The following ATP6V1C2 variants were observed in gnomAD, a reference collection of about 807,000 sequenced individuals.
ATP6V1C2 encodes V-type proton ATPase subunit C 2.
In ATP6V1C2, 45 loss-of-function variants were observed where a neutral mutation model predicts 56.8. That is an observed-to-expected ratio of 0.79 (90% CI 0.62 to 1.02). ATP6V1C2 has a LOEUF of 1.02. Ranked by LOEUF, ATP6V1C2 falls within the 50% of genes least tolerant of loss-of-function variation. ATP6V1C2 has a pLI of 0.00. For synonymous variants in ATP6V1C2, 220 were observed against 201.3 expected (o/e 1.09, Z -0.79); for missense variants, 463 against 519.7 (o/e 0.89, Z 1.06).
intron 8 of ATP6V1C2, among the ~76,000 whole-genome samples, chr2:10,774,123 C>T (rs1013300699): frequency 2.0e-5 from 3 of 152,370 alleles, no homozygotes; most frequent in African/African-American, 7.2e-5. Context: ...AAAGCCTGCA[C>T]AGATGACTCT....
At chr2:10,732,479 C>T (rs1179746374) in intron 3 of ATP6V1C2, among the ~76,000 whole-genome samples, 6 of 151,798 alleles carry the variant, frequency 4.0e-5, no homozygotes, top group Non-Finnish European at 2.9e-5. Flanking sequence ...AGGCTGGTCT[C>T]GAACTCCTGA....
At chr2:10,776,769 C>T (rs1157414681) in intron 10 of ATP6V1C2, among the ~76,000 whole-genome samples, 10 of 152,198 alleles carry the variant, frequency 6.6e-5, no homozygotes, top group African/African-American at 2.2e-4. Context: ...GCCAGACCCC[C>T]GGGGAACAGG....
intron 1 of ATP6V1C2, among the ~76,000 whole-genome samples, chr2:10,722,028 C>T (rs1006171851): frequency 6.6e-6 from 1 of 152,210 alleles, no homozygotes; most frequent in African/African-American, 2.4e-5. Context: ...GAAGAGGTTC[C>T]ACCAGGGGTC....
chr2:10,725,277 G>A (rs1363744667), intron 2 of ATP6V1C2, among the ~76,000 whole-genome samples: 3 of 151,580 alleles, frequency 2.0e-5, no homozygotes, highest in Non-Finnish European at 2.9e-5. Flanking sequence ...TAAGCCAGGC[G>A]TGGGGCACAT....
Position 10,783,158 on chromosome 2 carries a change from A to G in ATP6V1C2, c.1195-16A>G, listed in dbSNP as rs7574716. 0.015 allele frequency: 23,997 copies of G among 1,597,920 alleles called. 3,164 individuals carry two copies. In the African/African-American group the frequency reaches 0.28, roughly 19 times the overall value. ...TAGTTTATGCACTTAGAGCATTACC[A>G]TGTCTTCTTTTGTAGGCATCTGTGG... On this transcript the variant is annotated splice_polypyrimidine_tract_variant and intron_variant, in intron 13 of 13. Coordinates refer to ENST00000272238, the MANE Select transcript of ATP6V1C2 (RefSeq NM_001039362.2).
In ATP6V1C2 at chr2:10,783,317, C is replaced by T. The variant is rs1247085675; in HGVS notation, c.*54C>T. 3 of 1,224,818 alleles carry T rather than the reference C, an allele frequency of 2.4e-6. No homozygotes were observed. The highest frequency in any genetic ancestry group is 1.5e-5 in the African/African-American group (1 of 66,982). 75.9% of individuals were successfully genotyped at this position (1,224,818 alleles called of 1,614,324 possible). A position where few individuals can be genotyped will look rare whatever the true frequency, so the allele number is the denominator to read the frequency against. ...TTCGTGCAGATTATTACAGACACCT[C>T]TTTCCTTTAGCCAGAGAATGGTTCA... is the stretch of plus-strand genomic sequence containing the variant. On this transcript the variant is annotated 3_prime_UTR_variant, in exon 14 of 14. Transcript: ENST00000272238.
At chr2:10,753,691 T>C (rs1572553894) in intron 3 of ATP6V1C2, among the ~76,000 whole-genome samples, 1 of 152,044 alleles carries the variant, frequency 6.6e-6, no homozygotes, top group East Asian at 1.9e-4. Flanking sequence ...CCACCATGCC[T>C]GGCTAATTTT....
intron 3 of ATP6V1C2, among the ~76,000 whole-genome samples, chr2:10,733,509 A>G (rs1209699388): frequency 6.6e-6 from 1 of 152,114 alleles, no homozygotes; most frequent in Non-Finnish European, 1.5e-5. Flanking sequence ...TGTAGTTGGA[A>G]GGCAGCTTTT....
chr2:10,728,050 A>G (rs1661745482), intron 3 of ATP6V1C2, among the ~76,000 whole-genome samples: 1 of 152,168 alleles, frequency 6.6e-6, no homozygotes, highest in Non-Finnish European at 1.5e-5. Context: ...AATATGTCTT[A>G]AAATTAATAT....
intron 3 of ATP6V1C2, among the ~76,000 whole-genome samples, chr2:10,747,550 ACCGCTTGT>A (rs1662988905): frequency 2.6e-5 from 4 of 152,304 alleles, no homozygotes; most frequent in African/African-American, 9.6e-5. Flanking sequence ...CTTGGATATC[ACCGCTTGT>A]CTCAATAGTG....
rs377194432 is a variant in ATP6V1C2, at chr2:10,785,013, C to A, written c.*1750C>A. 6.3e-7 allele frequency: 1 copy of A among 1,580,858 alleles called. No homozygotes were observed. Among genetic ancestry groups the A allele is most frequent in the Non-Finnish European group, 8.6e-7 (1 of 1,161,672 alleles). On this transcript the variant is annotated 3_prime_UTR_variant, in exon 14 of 14. Coordinates refer to ENST00000272238, the MANE Select transcript of ATP6V1C2 (RefSeq NM_001039362.2). ...GCCTCCTACAGGTGCCGTGGAGCCA[C>A]GCCCAAAAGAGAGCTCCCTTAGGGA... is the stretch of plus-strand genomic sequence containing the variant.
intron 3 of ATP6V1C2, among the ~76,000 whole-genome samples, chr2:10,747,892 G>A (rs745584189): frequency 2.0e-5 from 3 of 149,954 alleles, no homozygotes; most frequent in Admixed American, 1.3e-4. Flanking sequence ...ATGGTGTCTC[G>A]CTTTGTTACC....
At chr2:10,742,977 A>G (rs1377340263) in intron 3 of ATP6V1C2, among the ~76,000 whole-genome samples, 1 of 150,434 alleles carries the variant, frequency 6.6e-6, no homozygotes, top group Non-Finnish European at 1.5e-5. Context: ...AATGCCCCCC[A>G]CTCCTCCCAC....
chr2:10,777,448 C>A, intron 10 of ATP6V1C2, 137 bp from the exon 11 acceptor site: 1 of 1,121,068 alleles, frequency 8.9e-7, no homozygotes. Flanking sequence ...CATCTCTAGT[C>A]TAGCCAGCAC....
At chr2:10,760,835 T>C (rs1022818457) in intron 4 of ATP6V1C2, among the ~76,000 whole-genome samples, 1 of 152,178 alleles carries the variant, frequency 6.6e-6, no homozygotes, top group Non-Finnish European at 1.5e-5. Flanking sequence ...ATGAAGACCT[T>C]GGACTTGGTG....
At chr2:10,778,761 C>A in intron 12 of ATP6V1C2, 92 bp downstream of exon 12, 2 of 1,186,092 alleles carry the variant, frequency 1.7e-6, no homozygotes, top group Non-Finnish European at 2.5e-6. Flanking sequence ...GCCTTCTCTC[C>A]ATCCTCCACC....
chr2:10,774,550 C>T (rs1341515141), intron 8 of ATP6V1C2, among the ~76,000 whole-genome samples: 3 of 152,214 alleles, frequency 2.0e-5, no homozygotes, highest in Non-Finnish European at 4.4e-5. Context: ...AAGCCCAGGC[C>T]CCTACACTCC....
intron 2 of ATP6V1C2, 134 bp downstream of exon 2, chr2:10,723,112 T>G: frequency 1.8e-6 from 2 of 1,114,588 alleles, no homozygotes; most frequent in Non-Finnish European, 2.5e-6. Flanking sequence ...CAAGCTGAGG[T>G]TTGAGGATGG....
rs181778954 is a variant in ATP6V1C2 at position 10,772,541 on chromosome 2, G to A, written c.570-1G>A. The A allele has an allele frequency of 6.2e-7, 1 of 1,613,592 alleles. No homozygotes were observed. The highest frequency in any genetic ancestry group is 1.1e-5 in the South Asian group (1 of 91,046). ...CACGTAACGATTCTATGTTCTTGCA[G>A]ACCAAACTACTCACAATGGCAAAAA... On this transcript the variant is annotated splice_acceptor_variant, in intron 7 of 13. Coordinates refer to ENST00000272238, the MANE Select transcript of ATP6V1C2 (RefSeq NM_001039362.2). LOFTEE classifies it high-confidence loss of function.
Sources: gnomAD v4.1 joint callset for allele counts (sites outside exome capture counted in the v4.1 genomes callset) on GRCh38, gnomAD v4.1.1 for gene constraint, MANE v1.5 for transcripts, NCBI Gene and HGNC (gene_info 2026-07-23, HGNC 2026-07-21) for gene names.